GAB1: variants seen among roughly 807,000 people sequenced by gnomAD.
The protein encoded by GAB1 is GRB2 associated binding protein 1.
A neutral mutation model predicts 66.5 loss-of-function variants in GAB1; 19 were observed. The ratio of observed to expected loss-of-function variants is 0.29; its 90% confidence interval spans 0.20 to 0.42. The LOEUF is 0.42. Ranked by LOEUF, GAB1 falls within the 10% of genes least tolerant of loss-of-function variation. The pLI, the probability that GAB1 is intolerant of heterozygous loss-of-function variation, is 1.00. For missense variants in GAB1, 732 were observed against 858.5 expected, an observed-to-expected ratio of 0.85 and a Z score of 1.84; for synonymous variants, 294 against 301.4, an observed-to-expected ratio of 0.98 and a Z score of 0.25.
chr4:143,409,396 C>G (rs77959589), intron 1 of GAB1, among the ~76,000 whole-genome samples: 6 of 149,760 alleles, frequency 4.0e-5, no homozygotes, highest in African/African-American at 9.9e-5. Flanking sequence ...TCCCCCCCCC[C>G]GCTCTGAAAT....
chr4:143,436,074 T>TATGCA (rs1304664076), intron 3 of GAB1, among the ~76,000 whole-genome samples: 2 of 152,166 alleles, frequency 1.3e-5, no homozygotes, highest in Non-Finnish European at 2.9e-5. Context: ...AAGTACAAAT[T>TATGCA]TTAGAATATG....
chr4:143,411,526 G>T (rs996441439), intron 1 of GAB1, among the ~76,000 whole-genome samples: 4 of 152,264 alleles, frequency 2.6e-5, no homozygotes, highest in Admixed American at 2.6e-4. Context: ...TTTCTAGAAA[G>T]CCTGTCCTTT....
intron 1 of GAB1, among the ~76,000 whole-genome samples, chr4:143,380,278 G>T (rs1390345437): frequency 6.6e-6 from 1 of 151,920 alleles, no homozygotes; most frequent in Non-Finnish European, 1.5e-5. Context: ...AATCTCTAGT[G>T]CTCTTTTTAT....
chr4:143,464,623 T>C (rs986485015), intron 8 of GAB1, among the ~76,000 whole-genome samples: 2 of 152,242 alleles, frequency 1.3e-5, no homozygotes, highest in Non-Finnish European at 2.9e-5. Context: ...CATTTAGTTG[T>C]ACAGGTTGTT....
At position 143,470,585 on chromosome 4, in the gene GAB1, C is replaced by T. The variant is rs1408761539; in HGVS notation, c.*1396C>T. On this transcript the variant is annotated 3_prime_UTR_variant, in exon 10 of 10. Coordinates refer to ENST00000262994, the MANE Select transcript of GAB1 (RefSeq NM_002039.4). ...TGAGGCTACAATTATATTCGTCTGT[C>T]TTGGCTTTGCAACATAATTTAGAAA... 1 of 152,214 alleles carries T rather than the reference C, an allele frequency of 6.6e-6. No homozygotes were observed. Among genetic ancestry groups the T allele is most frequent in the East Asian group, 1.9e-4 (1 of 5,200 alleles). The allele number at this position is 152,214 out of a possible 1,614,324, so 9.4% of individuals were successfully genotyped here. A position where few individuals can be genotyped will look rare whatever the true frequency, so the allele number is the denominator to read the frequency against.
rs1040920972 is a variant in GAB1, at chr4:143,415,414, T to C, written c.73-63T>C. 3 of 1,226,406 alleles carry C rather than the reference T, an allele frequency of 2.4e-6. No individual in the cohort carries two copies. In the African/African-American group the frequency reaches 4.5e-5, roughly 19 times the overall value. 76.0% of individuals were successfully genotyped at this position (1,226,406 alleles called of 1,614,324 possible). The stretch of plus-strand genomic sequence containing the variant: ...ATTTGTAAAATCAGTTTGATAAATG[T>C]GCATCTTCTTGAAAACATTATCTCA... On this transcript the variant is annotated intron_variant, in intron 1 of 9. Coordinates refer to ENST00000262994, the MANE Select transcript of GAB1 (RefSeq NM_002039.4).
intron 1 of GAB1, among the ~76,000 whole-genome samples, chr4:143,349,102 C>T (rs892488096): frequency 6.6e-6 from 1 of 152,194 alleles, no homozygotes; most frequent in Non-Finnish European, 1.5e-5. Context: ...ATTTCCCCTC[C>T]CATGGTGGGG....
rs535920571 is a variant in GAB1, at chr4:143,444,794, G to A, written c.1585+4412G>A. Among the ~76,000 whole-genome samples the A allele has an allele frequency of 1.5e-4, 23 of 152,200 alleles. 2 individuals carry two copies. The South Asian group carries it at 4.8e-3, about 32-fold the overall frequency. On this transcript the variant is annotated intron_variant, in intron 6 of 9. Transcript: ENST00000262994. ...CTTCCCCTCTCTGGTAGTACCCAGT[G>A]TCTGTTGTTGCCATCTTTATGTCCA...
intron 2 of GAB1, among the ~76,000 whole-genome samples, chr4:143,422,276 A>C (rs1462730110): frequency 1.3e-5 from 2 of 152,214 alleles, no homozygotes; most frequent in Non-Finnish European, 2.9e-5. Context: ...GAAGCAGAGT[A>C]ACCCTGACCT....
intron 2 of GAB1, among the ~76,000 whole-genome samples, chr4:143,430,970 T>C (rs1733619688): frequency 1.3e-5 from 2 of 152,202 alleles, no homozygotes; most frequent in Non-Finnish European, 2.9e-5. Context: ...AGGCTTTTTC[T>C]ATGTCTCAAA....
At chr4:143,447,755 T>C (rs570744368) in intron 6 of GAB1, among the ~76,000 whole-genome samples, 9 of 152,248 alleles carry the variant, frequency 5.9e-5, no homozygotes, top group Non-Finnish European at 1.2e-4. Context: ...TGACTTCCTC[T>C]TTTCCTAATT....
At chr4:143,348,110 G>T (rs1296006677) in intron 1 of GAB1, among the ~76,000 whole-genome samples, 3 of 152,154 alleles carry the variant, frequency 2.0e-5, no homozygotes, top group Non-Finnish European at 4.4e-5. Context: ...GAACTCCTTT[G>T]AAAATTTGAG....
At position 143,381,239 on chromosome 4, in the gene GAB1, A is replaced by G. The variant is rs559546577; in HGVS notation, c.73-34238A>G. 8.1e-4 allele frequency among the ~76,000 whole-genome samples: 124 copies of G among 152,348 alleles called. 2 individuals are homozygous for G. The highest frequency in any genetic ancestry group is 1.4e-3 in the South Asian group (7 of 4,834). On this transcript the variant is annotated intron_variant, in intron 1 of 9. Coordinates refer to ENST00000262994, the MANE Select transcript of GAB1 (RefSeq NM_002039.4). ...TAGGAATAATGATGATAATGCTTAT[A>G]TCACCAGGGAATTTGTCTTTCTGAA... is the stretch of plus-strand genomic sequence containing the variant.
Position 143,469,994 on chromosome 4 carries a change from G to T in GAB1, c.*805G>T, listed in dbSNP as rs919277674. ...GTGTTATTTGCAAAAGGTAGATTAT[G>T]TAACCAATCAGGTACGTACCAGGCA... On this transcript the variant is annotated 3_prime_UTR_variant, in exon 10 of 10. Transcript: ENST00000262994. The T allele has an allele frequency of 7.9e-5, 12 of 152,624 alleles. No homozygotes were observed. Among genetic ancestry groups the T allele is most frequent in the African/African-American group, 2.9e-4 (12 of 41,456 alleles). The allele number at this position is 152,624 out of a possible 1,614,324, so 9.5% of individuals were successfully genotyped here. A position where few individuals can be genotyped will look rare whatever the true frequency, so the allele number is the denominator to read the frequency against.
intron 1 of GAB1, among the ~76,000 whole-genome samples, chr4:143,366,732 T>C (rs1161275567): frequency 6.6e-6 from 1 of 152,104 alleles, no homozygotes; most frequent in African/African-American, 2.4e-5. Context: ...ACACTAAATA[T>C]TATTATTTTG....
intron 1 of GAB1, among the ~76,000 whole-genome samples, chr4:143,410,569 G>A (rs975235212): frequency 1.3e-5 from 2 of 152,174 alleles, no homozygotes; most frequent in Non-Finnish European, 2.9e-5. Flanking sequence ...GCTTCAGTGT[G>A]ACAGTTCTAC....
chr4:143,433,428 G>A, intron 2 of GAB1, 63 bp from the exon 3 acceptor site: 1 of 1,135,484 alleles, frequency 8.8e-7, no homozygotes, highest in South Asian at 1.3e-5. Context: ...CTCCAAAGTA[G>A]CTTTGTTTTT....
rs200855855 is a variant in GAB1, at chr4:143,409,385, T to TCC, written c.73-6092_73-6091insCC. Among the ~76,000 whole-genome samples the TCC allele has an allele frequency of 2.9e-3, 425 of 144,858 alleles. 9 individuals carry two copies. The highest frequency in any genetic ancestry group is 5.1e-3 in the African/African-American group (192 of 37,652). On this transcript the variant is annotated intron_variant, in intron 1 of 9. Transcript: ENST00000262994. ...TGGACTTCAATAACAACTTTGAACTTTCCCCCCCCCCGCTCTGAAATCTTT... is the reference window on the plus strand; with the variant it reads ...TGGACTTCAATAACAACTTTGAACTTCCTCCCCCCCCCCGCTCTGAAATCTTT...
At chr4:143,393,239 A>G (rs1487877533) in intron 1 of GAB1, among the ~76,000 whole-genome samples, 1 of 151,596 alleles carries the variant, frequency 6.6e-6, no homozygotes, top group Non-Finnish European at 1.5e-5. Context: ...TTAAAAAAAA[A>G]AAAAGAAAAA....
Sources: allele counts gnomAD v4.1 joint callset (sites outside exome capture counted in the v4.1 genomes callset), GRCh38; gene constraint gnomAD v4.1.1; transcripts MANE v1.5; gene names NCBI Gene and HGNC (gene_info 2026-07-23, HGNC 2026-07-21).